MGAT4C: variants seen among roughly 807,000 people sequenced by gnomAD.
MGAT4C encodes the protein alpha-1,3-mannosyl-glycoprotein 4-beta-N-acetylglucosaminyltransferase C.
MGAT4C carries 19 observed loss-of-function variants against 40.1 expected under a neutral mutation model. The ratio of observed to expected loss-of-function variants is 0.47; its 90% CI spans 0.33 to 0.70. The LOEUF is 0.70. MGAT4C is among the 30% of genes least tolerant of loss of function. The pLI, the probability that MGAT4C is intolerant of heterozygous loss-of-function variation, is 0.02. For synonymous variants in MGAT4C, 181 were observed against 187.1 expected (o/e 0.97, Z 0.27); for missense variants, 491 against 563.2 (o/e 0.87, Z 1.30).
At chr12:86,293,834 C>T (rs948767782) in intron 4 of MGAT4C, among the ~76,000 whole-genome samples, 2 of 152,238 alleles carry the variant, frequency 1.3e-5, no homozygotes, top group African/African-American at 4.8e-5. Context: ...CTCCATCCTC[C>T]TGACCTGTGA....
intron 1 of MGAT4C, among the ~76,000 whole-genome samples, chr12:86,807,959 A>G (rs1566004136): frequency 6.6e-6 from 1 of 151,222 alleles, no homozygotes; most frequent in Non-Finnish European, 1.5e-5. Context: ...ATCTTTGCCC[A>G]CTTTTTAATG....
intron 4 of MGAT4C, among the ~76,000 whole-genome samples, chr12:86,284,931 T>G (rs1953313755): frequency 6.6e-6 from 1 of 152,028 alleles, no homozygotes. Context: ...TATGTAATAG[T>G]ATTAATTTTA....
chr12:86,525,300 G>T (rs1374840392), intron 2 of MGAT4C, among the ~76,000 whole-genome samples: 1 of 152,156 alleles, frequency 6.6e-6, no homozygotes, highest in Non-Finnish European at 1.5e-5. Context: ...GAAGGTGGTT[G>T]CTTCCCCCTT....
intron 1 of MGAT4C, among the ~76,000 whole-genome samples, chr12:86,072,614 T>TTGGATAGA (rs1358265186): frequency 1.3e-5 from 2 of 152,136 alleles, no homozygotes; most frequent in African/African-American, 4.8e-5. Flanking sequence ...GAAAGGATCT[T>TTGGATAGA]TGGATAGATG....
chr12:86,471,920 ATAATAT>A (rs1354932921), intron 2 of MGAT4C, among the ~76,000 whole-genome samples: 1 of 152,162 alleles, frequency 6.6e-6, no homozygotes, highest in Non-Finnish European at 1.5e-5. Flanking sequence ...AATACTATTG[ATAATAT>A]TAGTAAACAT....
chr12:86,299,377 A>C (rs1431791301), intron 4 of MGAT4C, among the ~76,000 whole-genome samples: 1 of 152,184 alleles, frequency 6.6e-6, no homozygotes, highest in Admixed American at 6.5e-5. Context: ...TCGGCCTCCC[A>C]GAGTGCTGGG....
chr12:86,235,794 C>T (rs369401331), intron 1 of MGAT4C, among the ~76,000 whole-genome samples: 8 of 151,908 alleles, frequency 5.3e-5, no homozygotes, highest in South Asian at 2.1e-4. Flanking sequence ...TTCATTAAAG[C>T]GTGATTCTGG....
At chr12:86,156,319 G>A (rs908687057) in intron 1 of MGAT4C, among the ~76,000 whole-genome samples, 4 of 152,044 alleles carry the variant, frequency 2.6e-5, no homozygotes, top group Admixed American at 2.6e-4. Flanking sequence ...AAACTGATGA[G>A]ATTACATTTT....
At chr12:86,299,369 G>A (rs1249029010) in intron 4 of MGAT4C, among the ~76,000 whole-genome samples, 6 of 152,022 alleles carry the variant, frequency 3.9e-5, no homozygotes, top group Non-Finnish European at 8.8e-5. Flanking sequence ...CGCCCGCCTC[G>A]GCCTCCCAGA....
intron 4 of MGAT4C, among the ~76,000 whole-genome samples, chr12:86,278,908 T>A (rs1592637676): frequency 6.6e-6 from 1 of 152,290 alleles, no homozygotes; most frequent in Non-Finnish European, 1.5e-5. Context: ...TTATCAAATG[T>A]TTTTTAGCAA....
intron 1 of MGAT4C, among the ~76,000 whole-genome samples, chr12:86,217,206 ACT>A (rs1217571411): frequency 6.6e-6 from 1 of 152,012 alleles, no homozygotes; most frequent in Non-Finnish European, 1.5e-5. Flanking sequence ...ACAGGGTCTC[ACT>A]CTGTCACCTA....
chr12:86,415,125 G>A (rs1341315737), intron 3 of MGAT4C, among the ~76,000 whole-genome samples: 2 of 151,926 alleles, frequency 1.3e-5, no homozygotes, highest in Non-Finnish European at 2.9e-5. Context: ...GAGGCAAGGT[G>A]ACACCGGGAC....
intron 2 of MGAT4C, among the ~76,000 whole-genome samples, chr12:86,507,356 T>C (rs1458670623): frequency 3.9e-5 from 6 of 152,296 alleles, no homozygotes; most frequent in Non-Finnish European, 7.4e-5. Context: ...TTGAGCTTTG[T>C]TATGTAACCT....
intron 1 of MGAT4C, among the ~76,000 whole-genome samples, chr12:86,805,434 T>C (rs1011390886): frequency 6.6e-6 from 1 of 151,972 alleles, no homozygotes; most frequent in Non-Finnish European, 1.5e-5. Flanking sequence ...GTACCCAGTG[T>C]TTAGCTCCCA....
chr12:86,598,172 G>A (rs971387264), intron 2 of MGAT4C, among the ~76,000 whole-genome samples: 10 of 151,914 alleles, frequency 6.6e-5, no homozygotes, highest in African/African-American at 2.2e-4. Flanking sequence ...ATACATGTTC[G>A]TAGAAAACTA....
At chr12:86,053,002 T>C (rs1243003274) in intron 1 of MGAT4C, among the ~76,000 whole-genome samples, 1 of 151,952 alleles carries the variant, frequency 6.6e-6, no homozygotes, top group African/African-American at 2.4e-5. Context: ...TTATTTATTT[T>C]ACTGGAGTCT....
chr12:86,178,197 A>G (rs565814042), intron 1 of MGAT4C, among the ~76,000 whole-genome samples: 1 of 152,292 alleles, frequency 6.6e-6, no homozygotes, highest in Non-Finnish European at 1.5e-5. Flanking sequence ...TGGCCTCCCA[A>G]AGTGCTGGGA....
chr12:86,446,371 C>T (rs1284586283), intron 2 of MGAT4C, among the ~76,000 whole-genome samples: 1 of 151,568 alleles, frequency 6.6e-6, no homozygotes, highest in African/African-American at 2.4e-5. Flanking sequence ...TTATTTTTCT[C>T]AAAGGAATAC....
chr12:86,288,564 T>C (rs1343251916), intron 4 of MGAT4C, among the ~76,000 whole-genome samples: 1 of 152,200 alleles, frequency 6.6e-6, no homozygotes, highest in East Asian at 1.9e-4. Context: ...TTTCTGCATA[T>C]GGCTAGCCAA....
Sources: gnomAD v4.1 joint callset for allele counts (sites outside exome capture counted in the v4.1 genomes callset) on GRCh38, gnomAD v4.1.1 for gene constraint, MANE v1.5 for transcripts, NCBI Gene and HGNC (gene_info 2026-07-23, HGNC 2026-07-21) for gene names.